Variants in NUAK1 observed in about 807,000 individuals in gnomAD.
The protein encoded by NUAK1 is NUAK family kinase 1, also known as NUAK family SNF1-like kinase 1.
A neutral mutation model predicts 56.9 loss-of-function variants in NUAK1; 26 were observed. That is an observed-to-expected ratio of 0.46 (90% CI 0.33 to 0.63). The LOEUF is 0.63. Ranked by LOEUF, NUAK1 falls within the 30% of genes least tolerant of loss-of-function variation. The pLI, the probability that NUAK1 is intolerant of heterozygous loss-of-function variation, is 0.02. For synonymous variants in NUAK1, 337 were observed against 336.0 expected (o/e 1.00, Z -0.03); for missense variants, 727 against 876.1 (o/e 0.83, Z 2.15).
chr12:106,098,701 ATGCCGGACTG>A (rs2032718096), intron 2 of NUAK1, among the ~76,000 whole-genome samples: 1 of 152,018 alleles, frequency 6.6e-6, no homozygotes, highest in African/African-American at 2.4e-5. Flanking sequence ...TCAATTTTAT[ATGCCGGACTG>A]TTACCAGATG....
At position 106,064,307 on chromosome 12, in the gene NUAK1, T is replaced by C. The variant is rs2032310657; in HGVS notation, c.*2495A>G. The C allele has an allele frequency of 6.6e-6, 1 of 152,212 alleles. No individual in the cohort carries two copies. Among genetic ancestry groups the C allele is most frequent in the Admixed American group, 6.5e-5 (1 of 15,280 alleles). The allele number at this position is 152,212 out of a possible 1,614,324, so 9.4% of individuals were successfully genotyped here. On this transcript the variant is annotated 3_prime_UTR_variant, in exon 7 of 7. Transcript: ENST00000261402. ...AGAATCAGAGGATGTTGGCAGAGTG[T>C]CAGAGCTAAGCGGGGCTTCAGGTAC...
intron 4 of NUAK1, among the ~76,000 whole-genome samples, chr12:106,073,165 A>G (rs938415581): frequency 3.3e-5 from 5 of 152,230 alleles, no homozygotes; most frequent in Admixed American, 2.0e-4. Flanking sequence ...TTTGAGAAAT[A>G]ACATTCACAA....
chr12:106,074,001 GTA>G, intron 4 of NUAK1, among the ~76,000 whole-genome samples: 1 of 150,852 alleles, frequency 6.6e-6, no homozygotes, highest in East Asian at 2.1e-4. Flanking sequence ...ACATATATAT[GTA>G]TATGTATATG....
intron 2 of NUAK1, among the ~76,000 whole-genome samples, chr12:106,092,243 G>A (rs1179845133): frequency 6.6e-6 from 1 of 152,192 alleles, no homozygotes; most frequent in African/African-American, 2.4e-5. Flanking sequence ...TCATAGCCGG[G>A]CGTGGTGGCT....
At chr12:106,136,121 A>G (rs2033127150) in intron 1 of NUAK1, among the ~76,000 whole-genome samples, 1 of 152,144 alleles carries the variant, frequency 6.6e-6, no homozygotes, top group Admixed American at 6.5e-5. Context: ...GATCTGGCTA[A>G]CATTCTGTAA....
chr12:106,125,083 C>A (rs546329807), intron 1 of NUAK1, among the ~76,000 whole-genome samples: 4 of 152,082 alleles, frequency 2.6e-5, no homozygotes, highest in Non-Finnish European at 5.9e-5. Flanking sequence ...TGGCCCAGAG[C>A]GCTCATCTTA....
At position 106,066,816 on chromosome 12, in the gene NUAK1, T is replaced by G; in HGVS notation, c.1972A>C (p.Ser658Arg). The G allele has an allele frequency of 6.2e-7, 1 of 1,608,860 alleles. No individual in the cohort carries two copies. The highest frequency in any genetic ancestry group is 8.5e-7 in the Non-Finnish European group (1 of 1,176,002). The stretch of plus-strand genomic sequence containing the variant: ...GCCCTGGAATGCTAGTTGAGCTTGC[T>G]GCAGATCTCCAGCGCTTGCTTGTAG... ...QVYKQALEICSKLN is the reference protein window; with the variant it reads ...QVYKQALEICRKLN Residue 658 changes from serine to arginine, a missense_variant, in exon 7 of 7, where the codon AGC becomes CGC. Ser to Arg is a moderately radical substitution (Grantham distance 110). Coordinates refer to ENST00000261402, the MANE Select transcript of NUAK1 (RefSeq NM_014840.3).
At position 106,063,661 on chromosome 12, in the gene NUAK1, TAAATA is replaced by T. The variant is rs951727847; in HGVS notation, c.*3136_*3140del. 2 of 146,744 alleles carry T rather than the reference TAAATA, an allele frequency of 1.4e-5. No homozygotes were observed. The highest frequency in any genetic ancestry group is 5.2e-5 in the African/African-American group (2 of 38,626). 9.1% of individuals were successfully genotyped at this position (146,744 alleles called of 1,614,324 possible). A position where few individuals can be genotyped will look rare whatever the true frequency, so the allele number is the denominator to read the frequency against. ...TTTTATTACCAAAAAAAATAGAAAT[TAAATA>T]AAAGTCACAATGTGGATTTTTTTTT... On this transcript the variant is annotated 3_prime_UTR_variant, in exon 7 of 7. Transcript: ENST00000261402.
rs1006891789 is a variant in NUAK1, at chr12:106,066,079, T to A, written c.*723A>T. 1 of 152,192 alleles carries A rather than the reference T, an allele frequency of 6.6e-6. No individual in the cohort carries two copies. The highest frequency in any genetic ancestry group is 1.5e-5 in the Non-Finnish European group (1 of 68,102). 9.4% of individuals were successfully genotyped at this position (152,192 alleles called of 1,614,324 possible). ...GGCCCTGTCTTTCCTCAAAGTTGAG[T>A]AGCAAATTAACAAATGCCTCACCAG... On this transcript the variant is annotated 3_prime_UTR_variant, in exon 7 of 7. Transcript: ENST00000261402.
At chr12:106,129,165 C>G (rs796232299) in intron 1 of NUAK1, among the ~76,000 whole-genome samples, 1 of 152,192 alleles carries the variant, frequency 6.6e-6, no homozygotes, top group Non-Finnish European at 1.5e-5. Context: ...TTGGGATGGG[C>G]TTGAGCCACC....
intron 5 of NUAK1, among the ~76,000 whole-genome samples, chr12:106,071,584 C>A (rs1452662021): frequency 6.6e-6 from 1 of 152,148 alleles, no homozygotes; most frequent in Non-Finnish European, 1.5e-5. Flanking sequence ...CAAACTTTTA[C>A]ATGAAATCTC....
intron 3 of NUAK1, among the ~76,000 whole-genome samples, chr12:106,084,825 C>T (rs77805848): frequency 0.016 from 2,511 of 152,266 alleles, 64 homozygotes; most frequent in African/African-American, 0.057. Context: ...GGTGAGTGGA[C>T]AAGTAACAGG....
At chr12:106,110,573 A>G (rs1022955923) in intron 1 of NUAK1, among the ~76,000 whole-genome samples, 2 of 152,210 alleles carry the variant, frequency 1.3e-5, no homozygotes, top group Admixed American at 6.5e-5. Flanking sequence ...GGAAGAGATT[A>G]CCAAATGTCT....
intron 2 of NUAK1, among the ~76,000 whole-genome samples, chr12:106,098,057 A>C (rs2032712176): frequency 6.6e-6 from 1 of 152,176 alleles, no homozygotes. Context: ...TGCCGTGTAC[A>C]ATAAGGAATA....
rs946350324 is a variant in NUAK1, at chr12:106,132,103, A to G, written c.240+6311T>C. ...ACTGAGGACAAGAAGCCACGGCCAG[A>G]AACCTGACAAACCCTGGATATACGT... On this transcript the variant is annotated intron_variant, in intron 1 of 6. Coordinates refer to ENST00000261402, the MANE Select transcript of NUAK1 (RefSeq NM_014840.3). Among the ~76,000 whole-genome samples, 8 of 152,250 alleles carry G rather than the reference A, an allele frequency of 5.3e-5. No homozygotes were observed. In the East Asian group the frequency reaches 1.5e-3, roughly 29 times the overall value.
At position 106,078,488 on chromosome 12, in the gene NUAK1, C is replaced by A. The variant is rs960817650; in HGVS notation, c.579+5376G>T. On this transcript the variant is annotated intron_variant, in intron 4 of 6. Coordinates refer to ENST00000261402, the MANE Select transcript of NUAK1 (RefSeq NM_014840.3). ...GGAGTTATTGCTGTCAGGTGGCTGA[C>A]GAGGAAATGCACTTTCTGTGTAACT... Among the ~76,000 whole-genome samples, 3 of 152,146 alleles carry A rather than the reference C, an allele frequency of 2.0e-5. No homozygotes were observed. In the South Asian group the frequency reaches 6.2e-4, roughly 32 times the overall value.
intron 1 of NUAK1, among the ~76,000 whole-genome samples, chr12:106,116,919 G>C (rs963590731): frequency 6.6e-6 from 1 of 152,192 alleles, no homozygotes; most frequent in Non-Finnish European, 1.5e-5. Context: ...TCCCTAAAAC[G>C]ATGTGAGAAT....
chr12:106,088,838 C>T (rs562480175), intron 2 of NUAK1, among the ~76,000 whole-genome samples: 1 of 152,314 alleles, frequency 6.6e-6, no homozygotes, highest in South Asian at 2.1e-4. Flanking sequence ...CCTGGGTCCC[C>T]TGTCCTCCCA....
chr12:106,132,864 G>C (rs1314276779), intron 1 of NUAK1, among the ~76,000 whole-genome samples: 1 of 152,092 alleles, frequency 6.6e-6, no homozygotes, highest in African/African-American at 2.4e-5. Context: ...ACCCAGCTCA[G>C]ACCCCTCTAG....
Sources: allele counts gnomAD v4.1 joint callset (sites outside exome capture counted in the v4.1 genomes callset), GRCh38; gene constraint gnomAD v4.1.1; transcripts MANE v1.5; gene names NCBI Gene and HGNC (gene_info 2026-07-23, HGNC 2026-07-21).